GLRA3: variants seen among roughly 807,000 people sequenced by gnomAD.
The protein encoded by GLRA3 is glycine receptor alpha 3.
A neutral mutation model predicts 60.4 loss-of-function variants in GLRA3; 44 were observed. The ratio of observed to expected loss-of-function variants is 0.73; its 90% CI spans 0.57 to 0.94. The LOEUF is 0.94. GLRA3 is among the 40% of genes least tolerant of loss of function. GLRA3 has a pLI of 0.00. For missense variants in GLRA3, 508 were observed against 564.6 expected, an observed-to-expected ratio of 0.90 and a Z score of 1.02; for synonymous variants, 223 against 192.9, an observed-to-expected ratio of 1.16 and a Z score of -1.29.
chr4:174,712,574 G>A (rs1486115578), intron 5 of GLRA3: 1 of 152,106 alleles, frequency 6.6e-6, no homozygotes, highest in Non-Finnish European at 1.5e-5. Context: ...ACCATTGCAA[G>A]CCATTAAAGT....
chr4:174,827,620 T>TA (rs1741030718), intron 1 of GLRA3, among the ~76,000 whole-genome samples: 1 of 151,912 alleles, frequency 6.6e-6, no homozygotes, highest in African/African-American at 2.4e-5. Context: ...ATACTTTGGT[T>TA]AAAAATAGTT....
At chr4:174,656,938 T>G (rs1733229368) in intron 8 of GLRA3, 151 bp from the exon 9 acceptor site, 2 of 519,972 alleles carry the variant, frequency 3.8e-6, no homozygotes, top group Admixed American at 6.3e-5. Flanking sequence ...ATGCAAAGTA[T>G]CTACCCCAAC....
chr4:174,810,874 G>A (rs188163671), intron 1 of GLRA3, among the ~76,000 whole-genome samples: 4 of 152,190 alleles, frequency 2.6e-5, no homozygotes, highest in South Asian at 4.1e-4. Context: ...TGTCAAATCC[G>A]TGAAATAGCA....
rs1033319750 is a variant in GLRA3 at position 174,640,659 on chromosome 4, T to C, written c.*3127A>G. 8.5e-5 allele frequency: 13 copies of C among 152,056 alleles called. No individual in the cohort carries two copies. The highest frequency in any genetic ancestry group is 3.1e-4 in the African/African-American group (13 of 41,452). 9.4% of individuals were successfully genotyped at this position (152,056 alleles called of 1,614,324 possible). On this transcript the variant is annotated 3_prime_UTR_variant, in exon 10 of 10. Transcript: ENST00000274093. ...AACATTTAGATTATTCATTTTTTTT[T>C]CTAAAATTTCCCTTACCTTCCATGA... is the stretch of plus-strand genomic sequence containing the variant.
At chr4:174,784,003 A>G (rs1739007812) in intron 2 of GLRA3, among the ~76,000 whole-genome samples, 2 of 150,678 alleles carry the variant, frequency 1.3e-5, no homozygotes, top group Middle Eastern at 3.4e-3. Flanking sequence ...TCATGCTGCT[A>G]TAAAGACACA....
At chr4:174,817,433 A>T (rs1740551800) in intron 1 of GLRA3, among the ~76,000 whole-genome samples, 1 of 152,158 alleles carries the variant, frequency 6.6e-6, no homozygotes, top group Non-Finnish European at 1.5e-5. Context: ...ATCTTTCTTA[A>T]ACCAATGCTA....
chr4:174,790,654 A>G (rs1361976374), intron 1 of GLRA3, among the ~76,000 whole-genome samples: 1 of 151,780 alleles, frequency 6.6e-6, no homozygotes, highest in Non-Finnish European at 1.5e-5. Context: ...CTTGACCTGA[A>G]CCAATAATAC....
intron 1 of GLRA3, among the ~76,000 whole-genome samples, chr4:174,795,927 C>G (rs1004646085): frequency 2.6e-5 from 4 of 152,014 alleles, no homozygotes; most frequent in African/African-American, 9.7e-5. Flanking sequence ...GAATCAAAAC[C>G]AAACTCTACA....
chr4:174,644,443 G>T (rs531960036), intron 9 of GLRA3, among the ~76,000 whole-genome samples: 339 of 149,776 alleles, frequency 2.3e-3, no homozygotes, highest in Non-Finnish European at 3.5e-3. Flanking sequence ...GGATAAATGT[G>T]TGATGTCGAA....
At chr4:174,763,170 A>G (rs551354182) in intron 3 of GLRA3, among the ~76,000 whole-genome samples, 2 of 152,186 alleles carry the variant, frequency 1.3e-5, no homozygotes, top group African/African-American at 4.8e-5. Context: ...ATGGGGAAAA[A>G]GCACTCAGGT....
intron 3 of GLRA3, among the ~76,000 whole-genome samples, chr4:174,764,668 A>G (rs983941690): frequency 1.3e-5 from 2 of 152,100 alleles, no homozygotes; most frequent in African/African-American, 4.8e-5. Flanking sequence ...AAATACAGCA[A>G]TAGAATAATG....
intron 3 of GLRA3, among the ~76,000 whole-genome samples, chr4:174,749,769 T>A (rs1022305315): frequency 2.0e-5 from 3 of 152,120 alleles, no homozygotes; most frequent in Non-Finnish European, 4.4e-5. Flanking sequence ...TGTACCTTCA[T>A]GGATGAAGAT....
intron 2 of GLRA3, among the ~76,000 whole-genome samples, chr4:174,769,525 A>G (rs1384091429): frequency 4.6e-5 from 7 of 152,084 alleles, no homozygotes; most frequent in African/African-American, 1.4e-4. Context: ...TTTTGATTCA[A>G]TATGTACAGA....
intron 3 of GLRA3, among the ~76,000 whole-genome samples, chr4:174,733,774 C>T (rs552614547): frequency 1.3e-5 from 2 of 152,280 alleles, no homozygotes; most frequent in South Asian, 4.1e-4. Flanking sequence ...TCCCACATGG[C>T]CCTGCATGGG....
rs964252050 is a variant in GLRA3 at position 174,638,590 on chromosome 4, C to A, written c.*5196G>T. ...GGATTACAGGCGTGAGCCACCTGGC[C>A]GGGCCTATTTTTAATTCTAAGAATA... On this transcript the variant is annotated 3_prime_UTR_variant, in exon 10 of 10. Coordinates refer to ENST00000274093, the MANE Select transcript of GLRA3 (RefSeq NM_006529.4). 2 of 152,068 alleles carry A rather than the reference C, an allele frequency of 1.3e-5. No individual in the cohort carries two copies. The highest frequency in any genetic ancestry group is 2.9e-5 in the Non-Finnish European group (2 of 68,012). The allele number at this position is 152,068 out of a possible 1,614,324, so 9.4% of individuals were successfully genotyped here.
At chr4:174,776,203 G>T (rs748215069) in intron 2 of GLRA3, among the ~76,000 whole-genome samples, 23 of 152,160 alleles carry the variant, frequency 1.5e-4, no homozygotes, top group Non-Finnish European at 3.1e-4. Context: ...CCTTAAGCCT[G>T]CTCTATTTCA....
At chr4:174,809,490 T>C (rs1240525041) in intron 1 of GLRA3, among the ~76,000 whole-genome samples, 6 of 152,196 alleles carry the variant, frequency 3.9e-5, no homozygotes, top group Admixed American at 3.9e-4. Flanking sequence ...CTCAGCACTT[T>C]GGGAAGCCAA....
At chr4:174,744,376 T>C (rs1297949620) in intron 3 of GLRA3, among the ~76,000 whole-genome samples, 1 of 152,210 alleles carries the variant, frequency 6.6e-6, no homozygotes, top group Non-Finnish European at 1.5e-5. Flanking sequence ...GGTGCTGGTG[T>C]ATGCTGCCCT....
At chr4:174,688,635 C>A (rs1301720463) in intron 5 of GLRA3, among the ~76,000 whole-genome samples, 2 of 140,712 alleles carry the variant, frequency 1.4e-5, no homozygotes, top group South Asian at 2.2e-4. Context: ...TTTTGGGTTG[C>A]CTTGAATTTG....
Sources: gnomAD v4.1 joint callset for allele counts (sites outside exome capture counted in the v4.1 genomes callset) on GRCh38, gnomAD v4.1.1 for gene constraint, MANE v1.5 for transcripts, NCBI Gene and HGNC (gene_info 2026-07-23, HGNC 2026-07-21) for gene names.